Variants in EXOC6B observed in about 807,000 individuals in gnomAD.
The protein encoded by EXOC6B is exocyst complex component 6B, also known as SEC15 homolog B.
A neutral mutation model predicts 113.5 loss-of-function variants in EXOC6B; 54 were observed. The observed-to-expected ratio is 0.48, with a 90% CI of 0.38 to 0.60. The LOEUF is 0.60. EXOC6B is among the 20% of genes least tolerant of loss of function. The pLI is 0.00. For synonymous variants in EXOC6B, 357 were observed against 339.0 expected, an observed-to-expected ratio of 1.05 and a Z score of -0.58; for missense variants, 797 against 977.5, an observed-to-expected ratio of 0.82 and a Z score of 2.46.
intron 6 of EXOC6B, among the ~76,000 whole-genome samples, chr2:72,642,763 T>C (rs1426524051): frequency 1.3e-5 from 2 of 151,534 alleles, no homozygotes; most frequent in African/African-American, 4.9e-5. Flanking sequence ...AATTGACAAA[T>C]GGGATCTCAT....
At chr2:72,260,167 T>C (rs1320827365) in intron 20 of EXOC6B, among the ~76,000 whole-genome samples, 1 of 152,186 alleles carries the variant, frequency 6.6e-6, no homozygotes, top group Non-Finnish European at 1.5e-5. Flanking sequence ...AAGGTTTATA[T>C]ATGATAATAA....
chr2:72,191,975 A>G (rs1158192223), intron 20 of EXOC6B, among the ~76,000 whole-genome samples: 3 of 152,206 alleles, frequency 2.0e-5, no homozygotes, highest in Non-Finnish European at 4.4e-5. Flanking sequence ...AAAAAAACTC[A>G]GAAAATAGAA....
intron 18 of EXOC6B, among the ~76,000 whole-genome samples, chr2:72,388,523 G>A (rs1476407304): frequency 6.6e-6 from 1 of 152,098 alleles, no homozygotes; most frequent in Non-Finnish European, 1.5e-5. Flanking sequence ...GCTGCTATTG[G>A]TGGTGTAATA....
chr2:72,265,988 AT>A (rs1242225097), intron 20 of EXOC6B, among the ~76,000 whole-genome samples: 4 of 151,976 alleles, frequency 2.6e-5, no homozygotes, highest in Non-Finnish European at 5.9e-5. Flanking sequence ...TTTGATTTGC[AT>A]TTCTCTGATG....
At chr2:72,704,293 C>A (rs1156399330) in intron 6 of EXOC6B, among the ~76,000 whole-genome samples, 1 of 150,990 alleles carries the variant, frequency 6.6e-6, no homozygotes, top group East Asian at 1.9e-4. Flanking sequence ...AACAAAGACA[C>A]AACATACCAG....
At position 72,825,539 on chromosome 2, in the gene EXOC6B, C is replaced by T. The variant is rs1366972176; in HGVS notation, c.113+259G>A. ...GCCCTCTCGTTCCCCAGCGCCGGAC[C>T]AGCCTCGGAGGGAGAACGAAGGCTG... is the stretch of plus-strand genomic sequence containing the variant. On this transcript the variant is annotated intron_variant, in intron 1 of 21. Transcript: ENST00000272427. This position sits in a 1 kb window ranked among gnomAD's most constrained non-coding sequence, Gnocchi z 4.4. Among the ~76,000 whole-genome samples the T allele has an allele frequency of 3.3e-5, 5 of 152,322 alleles. No individual in the cohort carries two copies. In the South Asian group the frequency reaches 1.0e-3, roughly 32 times the overall value.
chr2:72,389,011 T>A (rs1692216355), intron 18 of EXOC6B, among the ~76,000 whole-genome samples: 1 of 152,102 alleles, frequency 6.6e-6, no homozygotes, highest in Non-Finnish European at 1.5e-5. Context: ...GAGTAATAAA[T>A]CTCTGCCATT....
intron 19 of EXOC6B, among the ~76,000 whole-genome samples, chr2:72,351,237 C>T (rs184937900): frequency 6.6e-6 from 1 of 152,136 alleles, no homozygotes; most frequent in African/African-American, 2.4e-5. Context: ...TTTACTGATG[C>T]CTACAAAGAA....
At chr2:72,358,528 CAT>C (rs1177288599) in intron 19 of EXOC6B, among the ~76,000 whole-genome samples, 1 of 152,090 alleles carries the variant, frequency 6.6e-6, no homozygotes, top group East Asian at 1.9e-4. Context: ...TTAGTTATCA[CAT>C]GTCTATGAGA....
At chr2:72,407,735 A>C (rs1020676022) in intron 18 of EXOC6B, among the ~76,000 whole-genome samples, 1 of 152,206 alleles carries the variant, frequency 6.6e-6, no homozygotes, top group Non-Finnish European at 1.5e-5. Flanking sequence ...AAAGCTATCT[A>C]TGACAAACCC....
intron 1 of EXOC6B, among the ~76,000 whole-genome samples, chr2:72,767,808 T>A (rs1276905822): frequency 8.7e-4 from 11 of 12,690 alleles, no homozygotes; most frequent in African/African-American, 1.5e-3. Context: ...GAGACCTTGT[T>A]AAAAAAAAAA....
At chr2:72,804,782 G>C (rs1685489782) in intron 1 of EXOC6B, among the ~76,000 whole-genome samples, 1 of 151,860 alleles carries the variant, frequency 6.6e-6, no homozygotes, top group Non-Finnish European at 1.5e-5. Context: ...ATTTTTAGTA[G>C]AGACGGGGTT....
chr2:72,248,217 G>A (rs1016362003), intron 20 of EXOC6B, among the ~76,000 whole-genome samples: 8 of 152,150 alleles, frequency 5.3e-5, no homozygotes, highest in Non-Finnish European at 8.8e-5. Context: ...CATGTCCCAT[G>A]ACAGGTATAA....
chr2:72,438,840 T>C (rs2901190), intron 18 of EXOC6B, among the ~76,000 whole-genome samples: 34,052 of 152,092 alleles, frequency 0.22, 6,201 homozygotes, highest in African/African-American at 0.5. Flanking sequence ...TGAAGGAAGA[T>C]ATGCAAATAT....
At chr2:72,251,203 T>A (rs1178384062) in intron 20 of EXOC6B, among the ~76,000 whole-genome samples, 1 of 144,726 alleles carries the variant, frequency 6.9e-6, no homozygotes, top group Non-Finnish European at 1.6e-5. Flanking sequence ...GAGGAACTTT[T>A]CCTACTTGGA....
intron 6 of EXOC6B, among the ~76,000 whole-genome samples, chr2:72,654,432 A>G (rs1185887379): frequency 6.6e-6 from 1 of 152,250 alleles, no homozygotes; most frequent in African/African-American, 2.4e-5. Context: ...AGGGTTAGAC[A>G]AGACAAACCC....
chr2:72,334,513 A>G (rs1407610689), intron 20 of EXOC6B, among the ~76,000 whole-genome samples: 1 of 152,176 alleles, frequency 6.6e-6, no homozygotes, highest in Non-Finnish European at 1.5e-5. Flanking sequence ...CCAACAATCC[A>G]GAATGTAAAA....
At chr2:72,527,013 G>C (rs982052106) in intron 8 of EXOC6B, among the ~76,000 whole-genome samples, 1 of 151,952 alleles carries the variant, frequency 6.6e-6, no homozygotes, top group Admixed American at 6.5e-5. Flanking sequence ...CACATTTCCA[G>C]ACTACAAGGA....
chr2:72,328,005 A>T (rs577774939), intron 20 of EXOC6B, among the ~76,000 whole-genome samples: 1 of 149,698 alleles, frequency 6.7e-6, no homozygotes, highest in Admixed American at 6.6e-5. Context: ...CTATAAAGTC[A>T]AAGTTCTAGC....
Sources: gnomAD v4.1 joint callset for allele counts (sites outside exome capture counted in the v4.1 genomes callset) on GRCh38, gnomAD v4.1.1 for gene constraint, Gnocchi (gnomAD v3.1) non-coding constraint, MANE v1.5 for transcripts, NCBI Gene and HGNC (gene_info 2026-07-23, HGNC 2026-07-21) for gene names.